The following CLVS1 variants were observed in gnomAD, a reference collection of about 807,000 sequenced individuals.
CLVS1 encodes clavesin-1.
In CLVS1, 10 loss-of-function variants were observed where a neutral mutation model predicts 33.1. That is an observed-to-expected ratio of 0.30 (90% CI 0.19 to 0.51). The LOEUF (loss-of-function observed/expected upper bound fraction) is 0.51. Among genes scored for constraint, CLVS1 ranks in the 20% least tolerant of loss-of-function variants. The probability of loss-of-function intolerance (pLI) is 0.97; values close to 1 mark genes in which losing one functional copy is unlikely to be tolerated. For synonymous variants in CLVS1, 163 were observed against 166.1 expected (o/e 0.98, Z 0.14); for missense variants, 343 against 433.4 (o/e 0.79, Z 1.85).
intron 5 of CLVS1, among the ~76,000 whole-genome samples, chr8:61,481,879 G>A (rs1818207762): frequency 6.6e-6 from 1 of 152,224 alleles, no homozygotes; most frequent in Admixed American, 6.5e-5. Flanking sequence ...TTGGAGATCT[G>A]AGAGTGGACA....
At chr8:61,346,082 G>C (rs1426032981) in intron 2 of CLVS1, among the ~76,000 whole-genome samples, 2 of 152,126 alleles carry the variant, frequency 1.3e-5, no homozygotes, top group East Asian at 3.8e-4. Context: ...TGTCCATCCA[G>C]TCCCAAAAAT....
chr8:61,064,725 G>T (rs1338162627), intron 1 of CLVS1, among the ~76,000 whole-genome samples: 1 of 149,870 alleles, frequency 6.7e-6, no homozygotes, highest in African/African-American at 2.5e-5. Flanking sequence ...TTTTTGAGAT[G>T]GAGTCTTTCT....
chr8:61,198,504 C>T (rs2978506), intron 2 of CLVS1, among the ~76,000 whole-genome samples: 34,185 of 152,054 alleles, frequency 0.22, 4,043 homozygotes, highest in Admixed American at 0.28. Context: ...GTCAGCCTTC[C>T]AAGTAGCTGG....
At chr8:61,130,239 A>AT (rs1376688056) in intron 1 of CLVS1, among the ~76,000 whole-genome samples, 5 of 139,968 alleles carry the variant, frequency 3.6e-5, no homozygotes, top group Non-Finnish European at 6.1e-5. Context: ...CTCTGTCTCA[A>AT]AAAATAAATA....
At chr8:61,077,629 C>T (rs1335359150) in intron 1 of CLVS1, among the ~76,000 whole-genome samples, 1 of 152,126 alleles carries the variant, frequency 6.6e-6, no homozygotes. Flanking sequence ...GCGTGCACTA[C>T]TATGCTTGGC....
chr8:61,360,266 TA>T (rs1812920774), intron 2 of CLVS1, among the ~76,000 whole-genome samples: 1 of 152,044 alleles, frequency 6.6e-6, no homozygotes, highest in South Asian at 2.1e-4. Context: ...TAATCACCTT[TA>T]AAAAACCCAA....
the CLVS1 span, among the ~76,000 whole-genome samples, chr8:61,029,826 A>T: frequency 3.9e-5 from 6 of 152,198 alleles, no homozygotes; most frequent in African/African-American, 1.4e-4. Flanking sequence ...TGGGAGGTAC[A>T]CAACAAGGAT....
At chr8:60,975,131 G>C in the CLVS1 span, among the ~76,000 whole-genome samples, 1 of 152,156 alleles carries the variant, frequency 6.6e-6, no homozygotes, top group Non-Finnish European at 1.5e-5. Flanking sequence ...GGAAATAGCA[G>C]GAGTAAGAGG....
At chr8:61,310,379 C>CAT (rs1810789675) in intron 2 of CLVS1, among the ~76,000 whole-genome samples, 1 of 152,154 alleles carries the variant, frequency 6.6e-6, no homozygotes, top group African/African-American at 2.4e-5. Flanking sequence ...TGTCCAAGGT[C>CAT]ATACAGCTGG....
At chr8:61,233,392 C>T (rs1280501790) in intron 2 of CLVS1, among the ~76,000 whole-genome samples, 1 of 151,928 alleles carries the variant, frequency 6.6e-6, no homozygotes, top group Non-Finnish European at 1.5e-5. Context: ...TTTCTCTTCA[C>T]CATTGTTGTC....
chr8:61,304,703 C>T (rs1810556974), intron 2 of CLVS1, among the ~76,000 whole-genome samples: 1 of 152,170 alleles, frequency 6.6e-6, no homozygotes, highest in Non-Finnish European at 1.5e-5. Context: ...AAGCTGCAGG[C>T]TTGCACTTGG....
the CLVS1 span, among the ~76,000 whole-genome samples, chr8:61,015,680 G>T: frequency 6.6e-6 from 1 of 152,160 alleles, no homozygotes. Context: ...GGTGGGGCAG[G>T]GGTTGGACAC....
At chr8:61,477,952 C>A (rs1282748753) in intron 5 of CLVS1, among the ~76,000 whole-genome samples, 1 of 146,714 alleles carries the variant, frequency 6.8e-6, no homozygotes. Context: ...ATAAATTTCC[C>A]TCTACACACT....
intron 1 of CLVS1, among the ~76,000 whole-genome samples, chr8:61,091,900 G>T (rs1045430800): frequency 2.6e-5 from 4 of 152,110 alleles, no homozygotes; most frequent in Non-Finnish European, 5.9e-5. Flanking sequence ...TCTTTGATGG[G>T]GCTGGTTATT....
intron 2 of CLVS1, among the ~76,000 whole-genome samples, chr8:61,219,355 G>C (rs191388263): frequency 1.9e-4 from 29 of 152,148 alleles, no homozygotes; most frequent in African/African-American, 6.5e-4. Flanking sequence ...GTGTCCGTGA[G>C]TTCTCATTGT....
At chr8:61,019,595 G>T in the CLVS1 span, among the ~76,000 whole-genome samples, 1 of 152,136 alleles carries the variant, frequency 6.6e-6, no homozygotes, top group African/African-American at 2.4e-5. Context: ...CATTAAGAGA[G>T]AGTCTCACTC....
intron 2 of CLVS1, among the ~76,000 whole-genome samples, chr8:61,320,275 A>AT (rs762677490): frequency 3.7e-4 from 55 of 150,586 alleles, no homozygotes; most frequent in African/African-American, 1.2e-3. Context: ...CTGTTTAAAG[A>AT]TTTTTTCTTT....
At chr8:61,441,434 A>C (rs1173891657) in intron 3 of CLVS1, among the ~76,000 whole-genome samples, 1 of 152,136 alleles carries the variant, frequency 6.6e-6, no homozygotes, top group African/African-American at 2.4e-5. Flanking sequence ...TTGTATTTGC[A>C]ACTTGGAGGG....
At chr8:61,043,343 G>C in the CLVS1 span, among the ~76,000 whole-genome samples, 1 of 152,206 alleles carries the variant, frequency 6.6e-6, no homozygotes, top group Non-Finnish European at 1.5e-5. Flanking sequence ...TGGTATCCTG[G>C]AAAGAATGGC....
Sources: allele counts gnomAD v4.1 joint callset (sites outside exome capture counted in the v4.1 genomes callset), GRCh38; gene constraint gnomAD v4.1.1; transcripts MANE v1.5; gene names NCBI Gene and HGNC (gene_info 2026-07-23, HGNC 2026-07-21).